Variants in PITPNM3 observed in about 807,000 individuals in gnomAD.
PITPNM3 encodes membrane-associated phosphatidylinositol transfer protein 3.
In PITPNM3, 26 loss-of-function variants were observed where a neutral mutation model predicts 102.0. The observed-to-expected ratio is 0.25, with a 90% CI of 0.19 to 0.35. The LOEUF is 0.35. PITPNM3 is among the 10% of genes least tolerant of loss of function. The probability of loss-of-function intolerance (pLI) is 1.00; values close to 1 mark genes in which losing one functional copy is unlikely to be tolerated. For synonymous variants in PITPNM3, 578 were observed against 558.6 expected (o/e 1.03, Z -0.49); for missense variants, 1,083 against 1,346.1 (o/e 0.80, Z 3.06).
intron 3 of PITPNM3, among the ~76,000 whole-genome samples, chr17:6,518,350 G>A (rs888503787): frequency 6.6e-6 from 1 of 151,810 alleles, no homozygotes. Context: ...TCTGGGGACT[G>A]AGGTTATACA....
chr17:6,482,740 A>T (rs1339670972), intron 6 of PITPNM3, among the ~76,000 whole-genome samples: 1 of 152,138 alleles, frequency 6.6e-6, no homozygotes, highest in Admixed American at 6.6e-5. Flanking sequence ...TCCACAGCAG[A>T]ACTGATTGCT....
chr17:6,512,058 T>C (rs764269222), intron 3 of PITPNM3, among the ~76,000 whole-genome samples: 3 of 152,198 alleles, frequency 2.0e-5, no homozygotes, highest in Non-Finnish European at 4.4e-5. Flanking sequence ...TGGGCTTCCA[T>C]AGCAGAGGAG....
intron 3 of PITPNM3, among the ~76,000 whole-genome samples, chr17:6,506,377 CTCTT>C (rs1030985438): frequency 9.5e-6 from 1 of 105,552 alleles, no homozygotes; most frequent in Non-Finnish European, 1.9e-5. Flanking sequence ...TTTCCTTTCT[CTCTT>C]TTTTTTTTTT....
chr17:6,490,764 C>A (rs994035539), intron 4 of PITPNM3, among the ~76,000 whole-genome samples: 1 of 151,246 alleles, frequency 6.6e-6, no homozygotes, highest in African/African-American at 2.4e-5. Flanking sequence ...GAGACCAGCC[C>A]GGCCAACCTG....
intron 4 of PITPNM3, 49 bp from the exon 5 acceptor site, chr17:6,484,341 G>A (rs1477210693): frequency 9.2e-6 from 14 of 1,520,800 alleles, no homozygotes; most frequent in Admixed American, 3.3e-5. Context: ...TCCCTACAGT[G>A]ACCAGACACT....
intron 3 of PITPNM3, among the ~76,000 whole-genome samples, chr17:6,522,339 C>A (rs541547862): frequency 1.1e-4 from 17 of 151,762 alleles, no homozygotes; most frequent in Admixed American, 7.9e-4. Context: ...CCCTTGAGAA[C>A]TGGAGGGATG....
At chr17:6,489,718 G>A (rs892889886) in intron 4 of PITPNM3, among the ~76,000 whole-genome samples, 2 of 152,088 alleles carry the variant, frequency 1.3e-5, no homozygotes, top group Admixed American at 1.3e-4. Context: ...TTAAAAAGAC[G>A]TTACTTGCCG....
At chr17:6,502,025 C>T (rs968986915) in intron 4 of PITPNM3, among the ~76,000 whole-genome samples, 1 of 152,274 alleles carries the variant, frequency 6.6e-6, no homozygotes, top group Admixed American at 6.5e-5. Flanking sequence ...TGCCCTCTCT[C>T]TGCCCTGCCC....
chr17:6,541,655 G>A (rs1230553262), intron 1 of PITPNM3, among the ~76,000 whole-genome samples: 1 of 152,078 alleles, frequency 6.6e-6, no homozygotes, highest in Non-Finnish European at 1.5e-5. Flanking sequence ...TGGGGGAGGG[G>A]ACCACAAGTC....
intron 3 of PITPNM3, among the ~76,000 whole-genome samples, chr17:6,515,514 A>G (rs1908118036): frequency 6.6e-6 from 1 of 152,142 alleles, no homozygotes; most frequent in Non-Finnish European, 1.5e-5. Flanking sequence ...TACATTTTAC[A>G]AAAAGGTGGG....
At chr17:6,543,907 C>T (rs1489115693) in intron 1 of PITPNM3, among the ~76,000 whole-genome samples, 1 of 152,190 alleles carries the variant, frequency 6.6e-6, no homozygotes, top group East Asian at 1.9e-4. Flanking sequence ...GGGAGAGACA[C>T]AGGCCAAAAC....
chr17:6,522,295 C>CACACACACAT (rs1319534210), intron 3 of PITPNM3, among the ~76,000 whole-genome samples: 11 of 152,078 alleles, frequency 7.2e-5, no homozygotes, highest in African/African-American at 2.2e-4. Context: ...CGCACACACA[C>CACACACACAT]ACACACACAC....
Position 6,517,564 on chromosome 17 carries a change from A to AT in PITPNM3, c.226+7791dup, listed in dbSNP as rs59210645. ...TAGAAAATGCCAGTTTTTATTTTTA[A>AT]TTTTTTTTTTTTTGAGACAGGGGCT... On this transcript the variant is annotated intron_variant, in intron 3 of 19. Transcript: ENST00000262483. This position sits in a 1 kb window ranked among gnomAD's most constrained non-coding sequence, Gnocchi z 4.1. Among the ~76,000 whole-genome samples the AT allele has an allele frequency of 1.9e-3, 277 of 147,018 alleles. No individual in the cohort carries two copies. The highest frequency in any genetic ancestry group is 3.9e-3 in the South Asian group (18 of 4,642).
intron 10 of PITPNM3, chr17:6,473,055 C>T: frequency 1.7e-6 from 1 of 592,336 alleles, no homozygotes; most frequent in Non-Finnish European, 3.0e-6. Flanking sequence ...TGCCCTTCCC[C>T]AATCAGGCTT....
In PITPNM3 at chr17:6,457,957, C is replaced by G. The variant is rs1022285121; in HGVS notation, c.2491-235G>C. Among the ~76,000 whole-genome samples, 1 of 151,910 alleles carries G rather than the reference C, an allele frequency of 6.6e-6. No homozygotes were observed. The highest frequency in any genetic ancestry group is 1.9e-4 in the East Asian group (1 of 5,164). On this transcript the variant is annotated intron_variant, in intron 18 of 19. Transcript: ENST00000262483. The surrounding 1 kb of genome is among the most constrained non-coding windows in gnomAD (Gnocchi z 4.7). ...AAACAGTCGTGACCACACCATTTACCGGCCCCGCCTCCAACAGCAGTACAC... is the reference window on the plus strand; with the variant it reads ...AAACAGTCGTGACCACACCATTTACGGGCCCCGCCTCCAACAGCAGTACAC...
chr17:6,474,423 C>A lies in PITPNM3; in HGVS notation c.1258+9G>T, dbSNP rs1306128872. ...AGGCACCTCAGGCCCCAGCCCACAC[C>A]ATCCCTACCGTCCAGCCCAGGCAGC... On this transcript the variant is annotated intron_variant, in intron 10 of 19. Transcript: ENST00000262483. 13 of 1,612,830 alleles carry A rather than the reference C, an allele frequency of 8.1e-6. No individual in the cohort carries two copies. The highest frequency in any genetic ancestry group is 1.1e-5 in the Non-Finnish European group (13 of 1,179,742).
In PITPNM3 at chr17:6,470,265, T is replaced by G; in HGVS notation, c.1768A>C (p.Arg590=). 6.2e-7 allele frequency: 1 copy of G among 1,606,694 alleles called. No homozygotes were observed. Among genetic ancestry groups the G allele is most frequent in the South Asian group, 1.1e-5 (1 of 89,990 alleles). Residue 590 remains arginine (R), a synonymous_variant, in exon 13 of 20, where the codon AGA becomes CGA. Coordinates refer to ENST00000262483, the MANE Select transcript of PITPNM3 (RefSeq NM_031220.4). The surrounding 1 kb of genome is among the most constrained non-coding windows in gnomAD (Gnocchi z 4.8). ...ESTDVVAFIL[R]QVMRYESVNI... ...CGCGACTGCGGCAGCAGTACCTGTC[T>G]CAGGATGAAGGCCACCACGTCTGTG...
Position 6,457,569 on chromosome 17 carries a change from C to T in PITPNM3, c.2619+25G>A, listed in dbSNP as rs760283625. 2.5e-5 allele frequency: 41 copies of T among 1,611,784 alleles called. No individual in the cohort carries two copies. Among genetic ancestry groups the T allele is most frequent in the South Asian group, 6.6e-5 (6 of 90,856 alleles). ...TTCCCTGACCTCCCTCACAACTCCC[C>T]GCCTCCAGCCCCGCCTCCACCCACC... On this transcript the variant is annotated intron_variant, in intron 19 of 19. Coordinates refer to ENST00000262483, the MANE Select transcript of PITPNM3 (RefSeq NM_031220.4). This position sits in a 1 kb window ranked among gnomAD's most constrained non-coding sequence, Gnocchi z 4.7.
intron 1 of PITPNM3, 41 bp from the exon 2 acceptor site, chr17:6,538,123 TGTCCCAGTATGAGGGA>T: frequency 1.4e-6 from 2 of 1,480,982 alleles, no homozygotes; most frequent in Non-Finnish European, 1.9e-6. Context: ...CCTGAGATGT[TGTCCCAGTATGAGGGA>T]GGTGACCCAA....
Sources: allele counts gnomAD v4.1 joint callset (sites outside exome capture counted in the v4.1 genomes callset), GRCh38; gene constraint gnomAD v4.1.1; non-coding constraint Gnocchi (gnomAD v3.1); transcripts MANE v1.5; gene names NCBI Gene and HGNC (gene_info 2026-07-23, HGNC 2026-07-21).